Variants in DNAH12 observed in about 807,000 individuals in gnomAD.
DNAH12 encodes the protein axonemal beta dynein heavy chain 12.
A neutral mutation model predicts 371.5 loss-of-function variants in DNAH12; 285 were observed. That is an observed-to-expected ratio of 0.77 (90% CI 0.70 to 0.85). DNAH12 has a LOEUF of 0.85. Ranked by LOEUF, DNAH12 falls within the 40% of genes least tolerant of loss-of-function variation. The pLI is 0.00. For missense variants in DNAH12, 3,611 were observed against 3,689.4 expected, an observed-to-expected ratio of 0.98 and a Z score of 0.55; for synonymous variants, 1,200 against 1,213.0, an observed-to-expected ratio of 0.99 and a Z score of 0.22.
In DNAH12 at chr3:57,344,477, G is replaced by A. The variant is rs193185967; in HGVS notation, c.9674+7608C>T. On this transcript the variant is annotated intron_variant, in intron 60 of 73. Coordinates refer to ENST00000495027, the MANE Select transcript of DNAH12 (RefSeq NM_001366028.2). The stretch of plus-strand genomic sequence containing the variant: ...GGGAAGGAAATCATTATATTGAAGA[G>A]ATGTCTGCACCCTGATTTTTTTTGG... Among the ~76,000 whole-genome samples, 739 of 152,240 alleles carry A rather than the reference G, an allele frequency of 4.9e-3. 6 individuals carry two copies. Among genetic ancestry groups the A allele is most frequent in the Admixed American group, 0.016 (240 of 15,276 alleles).
intron 43 of DNAH12, among the ~76,000 whole-genome samples, chr3:57,397,583 C>CA (rs1175605494): frequency 1.3e-5 from 2 of 152,172 alleles, no homozygotes; most frequent in East Asian, 3.8e-4. Flanking sequence ...GTTAGAGCAG[C>CA]AGAAGCTGCA....
chr3:57,412,909 C>CAT (rs1248150802), intron 39 of DNAH12, among the ~76,000 whole-genome samples: 1 of 152,098 alleles, frequency 6.6e-6, no homozygotes, highest in Admixed American at 6.5e-5. Context: ...GTATTCTTAC[C>CAT]ATATTGTTCA....
intron 4 of DNAH12, among the ~76,000 whole-genome samples, chr3:57,517,887 T>C (rs920842239): frequency 6.6e-6 from 1 of 151,562 alleles, no homozygotes. Flanking sequence ...ACCTCTACAA[T>C]AAATAAATAA....
chr3:57,470,556 T>C lies in DNAH12; in HGVS notation c.1992A>G (p.Glu664=). 5.8e-6 allele frequency: 9 copies of C among 1,550,346 alleles called. No homozygotes were observed. The highest frequency in any genetic ancestry group is 7.8e-6 in the Non-Finnish European group (9 of 1,146,720). The change falls in exon 16 of 74, where the codon GAA becomes GAG. Residue 664 remains glutamate, a synonymous_variant. Coordinates refer to ENST00000495027, the MANE Select transcript of DNAH12 (RefSeq NM_001366028.2). ...EAVQFINKEE[E]LFKWELTKYP... The stretch of plus-strand genomic sequence containing the variant: ...ATTTTGTCAATTCCCACTTGAAAAG[T>C]TCCTCTTCTTTATTAATAAACTGCA...
intron 2 of DNAH12, among the ~76,000 whole-genome samples, chr3:57,525,057 T>C (rs1203464120): frequency 2.0e-5 from 3 of 148,266 alleles, no homozygotes; most frequent in African/African-American, 5.0e-5. Flanking sequence ...TAAAAGAGAA[T>C]TCAGAAAAAA....
intron 29 of DNAH12, among the ~76,000 whole-genome samples, chr3:57,440,082 T>A (rs557896842): frequency 6.6e-6 from 1 of 152,324 alleles, no homozygotes; most frequent in South Asian, 2.1e-4. Context: ...TTGGTAGGAA[T>A]GCAAATTAGT....
At chr3:57,364,210 C>G (rs2062998527) in intron 57 of DNAH12, among the ~76,000 whole-genome samples, 1 of 152,038 alleles carries the variant, frequency 6.6e-6, no homozygotes, top group South Asian at 2.1e-4. Context: ...GCAAAATTGG[C>G]ACTTGTGTCA....
intron 42 of DNAH12, among the ~76,000 whole-genome samples, chr3:57,404,365 A>T (rs2063960245): frequency 6.6e-6 from 1 of 152,224 alleles, no homozygotes; most frequent in African/African-American, 2.4e-5. Flanking sequence ...TAAAATATGC[A>T]AAATAAGACT....
At chr3:57,353,718 G>A (rs930250107) in intron 59 of DNAH12, among the ~76,000 whole-genome samples, 4 of 152,002 alleles carry the variant, frequency 2.6e-5, no homozygotes, top group Admixed American at 1.3e-4. Flanking sequence ...AGTAGGCAAA[G>A]GACATAGACA....
intron 32 of DNAH12, among the ~76,000 whole-genome samples, chr3:57,432,614 C>T (rs566336918): frequency 1.3e-5 from 2 of 152,048 alleles, no homozygotes; most frequent in Non-Finnish European, 2.9e-5. Flanking sequence ...GTTAACAAAA[C>T]TGAACTACAG....
intron 60 of DNAH12, among the ~76,000 whole-genome samples, chr3:57,349,757 T>G (rs923025210): frequency 6.6e-6 from 1 of 152,242 alleles, no homozygotes; most frequent in Non-Finnish European, 1.5e-5. Flanking sequence ...TGGCGCTATC[T>G]TGGCTCACTG....
chr3:57,486,181 CAA>C (rs11338004), intron 12 of DNAH12, among the ~76,000 whole-genome samples: 63 of 121,266 alleles, frequency 5.2e-4, no homozygotes, highest in African/African-American at 7.0e-4. Context: ...GACTCCATCT[CAA>C]AAAAAAAAAA....
intron 4 of DNAH12, among the ~76,000 whole-genome samples, chr3:57,516,835 C>A (rs1423376118): frequency 1.3e-5 from 2 of 151,958 alleles, no homozygotes; most frequent in Non-Finnish European, 2.9e-5. Flanking sequence ...GTTATGTTAT[C>A]CCCATGGGTA....
intron 11 of DNAH12, among the ~76,000 whole-genome samples, chr3:57,494,377 A>T (rs2067236638): frequency 1.3e-5 from 2 of 151,988 alleles, no homozygotes; most frequent in East Asian, 1.9e-4. Context: ...ACATAGTGAG[A>T]CCTTGTCTCT....
At chr3:57,425,212 T>G (rs1164618702) in intron 34 of DNAH12, 71 bp from the exon 35 acceptor site, 35 of 662,716 alleles carry the variant, frequency 5.3e-5, no homozygotes, top group Non-Finnish European at 8.6e-5. Context: ...CACTTTATTT[T>G]TAAAAACTGA....
At chr3:57,372,095 T>G (rs1007035055) in intron 55 of DNAH12, among the ~76,000 whole-genome samples, 3 of 151,932 alleles carry the variant, frequency 2.0e-5, no homozygotes, top group Non-Finnish European at 2.9e-5. Context: ...TAACAATAGT[T>G]TATTGTATAA....
At position 57,508,421 on chromosome 3, in the gene DNAH12, G is replaced by A; in HGVS notation, c.662C>T (p.Thr221Ile). The part of the protein sequence containing the change: ...MKMLLDLGYT[T>I]FADTVLLDFT... ...GTCCAACAAAACTGTATCAGCAAAT[G>A]TTGTATAACCAAGGTCCAGTAACAT... The change falls in exon 7 of 74, where the codon ACA becomes ATA. Residue 221 changes from threonine to isoleucine, a missense_variant. Thr to Ile is a moderately conservative substitution (Grantham distance 89). Around this residue, in one of 3 missense-constraint regions of DNAH12, gnomAD observed 1,314 missense variants for 1,398.7 expected, o/e 0.94. Transcript: ENST00000495027. 6.2e-7 allele frequency: 1 copy of A among 1,608,876 alleles called. No individual in the cohort carries two copies.
chr3:57,342,274 A>G (rs571925604), intron 60 of DNAH12, among the ~76,000 whole-genome samples: 5 of 152,176 alleles, frequency 3.3e-5, no homozygotes, highest in African/African-American at 9.6e-5. Flanking sequence ...GTGGGATTAT[A>G]TCAAACTAAA....
chr3:57,482,025 C>T (rs1487117000), intron 13 of DNAH12, among the ~76,000 whole-genome samples: 10 of 150,698 alleles, frequency 6.6e-5, no homozygotes, highest in South Asian at 2.1e-4. Context: ...GGACTTCAAG[C>T]CTAAAACACC....
Sources: gnomAD v4.1 joint callset for allele counts (sites outside exome capture counted in the v4.1 genomes callset) on GRCh38, gnomAD v4.1.1 for gene constraint, gnomAD v4.1.1 regional missense constraint, MANE v1.5 for transcripts, NCBI Gene and HGNC (gene_info 2026-07-23, HGNC 2026-07-21) for gene names.